Variants in USH2A observed in about 807,000 individuals in gnomAD.
USH2A encodes usherin.
A neutral mutation model predicts 538.9 loss-of-function variants in USH2A; 443 were observed. That is an observed-to-expected ratio of 0.82 (90% confidence interval 0.76 to 0.89). USH2A has a LOEUF of 0.89. Among genes scored for constraint, USH2A ranks in the 40% least tolerant of loss-of-function variants. The probability of loss-of-function intolerance (pLI) is 0.00; values close to 1 mark genes in which losing one functional copy is unlikely to be tolerated. For synonymous variants in USH2A, 2,413 were observed against 2,273.5 expected (o/e 1.06, Z -1.75); for missense variants, 6,633 against 6,324.8 (o/e 1.05, Z -1.65).
chr1:216,346,341 C>T (rs1311205675), intron 4 of USH2A, among the ~76,000 whole-genome samples: 1 of 152,070 alleles, frequency 6.6e-6, no homozygotes, highest in African/African-American at 2.4e-5. Context: ...GAAAAAACAT[C>T]TGTTTTCCTC....
intron 59 of USH2A, among the ~76,000 whole-genome samples, chr1:215,742,196 C>T (rs1660324092): frequency 6.6e-6 from 1 of 152,148 alleles, no homozygotes; most frequent in Non-Finnish European, 1.5e-5. Flanking sequence ...CTGATGAGTT[C>T]AGCAGAGCAA....
chr1:216,150,244 T>C lies in USH2A; in HGVS notation c.4627+25008A>G, dbSNP rs189977074. Among the ~76,000 whole-genome samples the C allele has an allele frequency of 4.6e-5, 7 of 152,298 alleles. No homozygotes were observed. The South Asian group carries it at 1.2e-3, about 27-fold the overall frequency. On this transcript the variant is annotated intron_variant, in intron 21 of 71. Transcript: ENST00000307340. ...TTCAAGCCATCACAGCTGATATCTC[T>C]TGGTGCTATCCCCAAACTGCCACTC...
intron 21 of USH2A, among the ~76,000 whole-genome samples, chr1:216,150,839 C>CT (rs1353631715): frequency 6.6e-6 from 1 of 152,202 alleles, no homozygotes; most frequent in Non-Finnish European, 1.5e-5. Flanking sequence ...AACCTTTCAC[C>CT]TTCTCGATGT....
chr1:215,819,254 T>G (rs1486697723), intron 47 of USH2A, among the ~76,000 whole-genome samples: 1 of 151,790 alleles, frequency 6.6e-6, no homozygotes, highest in East Asian at 1.9e-4. Flanking sequence ...CAACTATCCC[T>G]TTCATTTTAA....
intron 3 of USH2A, among the ~76,000 whole-genome samples, chr1:216,393,165 C>G (rs901552411): frequency 3.3e-5 from 5 of 152,166 alleles, no homozygotes; most frequent in Non-Finnish European, 7.4e-5. Flanking sequence ...TTGACTAAGC[C>G]TGGCTTTTAC....
intron 52 of USH2A, among the ~76,000 whole-genome samples, chr1:215,786,142 G>A (rs1002744244): frequency 6.6e-6 from 1 of 152,134 alleles, no homozygotes; most frequent in Non-Finnish European, 1.5e-5. Flanking sequence ...ATTCAGCAGG[G>A]CCAAGATGGT....
chr1:216,258,236 G>A (rs1453755764), intron 11 of USH2A, among the ~76,000 whole-genome samples: 1 of 151,980 alleles, frequency 6.6e-6, no homozygotes, highest in Non-Finnish European at 1.5e-5. Flanking sequence ...AGATTTATTA[G>A]GTGGTATTGA....
intron 30 of USH2A, among the ~76,000 whole-genome samples, chr1:216,053,692 G>A (rs190954098): frequency 6.6e-6 from 1 of 152,178 alleles, no homozygotes; most frequent in East Asian, 1.9e-4. Flanking sequence ...AGGAGCGTGG[G>A]TATCCGGATT....
At chr1:216,411,616 T>C (rs942307412) in intron 3 of USH2A, among the ~76,000 whole-genome samples, 4 of 152,006 alleles carry the variant, frequency 2.6e-5, no homozygotes, top group Admixed American at 2.0e-4. Flanking sequence ...ATGCAGTGGG[T>C]GGTGGCTACA....
intron 35 of USH2A, among the ~76,000 whole-genome samples, chr1:215,986,059 T>C (rs1018425188): frequency 2.6e-5 from 4 of 152,126 alleles, no homozygotes; most frequent in Non-Finnish European, 4.4e-5. Context: ...TCAGGTCCCC[T>C]TCACTTCTCA....
chr1:215,719,363 A>C (rs931646892), intron 61 of USH2A, among the ~76,000 whole-genome samples: 1 of 38,618 alleles, frequency 2.6e-5, no homozygotes, highest in Non-Finnish European at 5.5e-5. Flanking sequence ...CTCAGGAGAC[A>C]AAAAAAAAAA....
chr1:216,150,401 A>C, intron 21 of USH2A, among the ~76,000 whole-genome samples: 1 of 134,368 alleles, frequency 7.4e-6, no homozygotes, highest in African/African-American at 2.9e-5. Context: ...GTCACCCTCT[A>C]CCTCTCCCCA....
chr1:215,867,193 A>AAAGT, intron 43 of USH2A, 23 bp from the exon 44 acceptor site: 1 of 1,610,602 alleles, frequency 6.2e-7, no homozygotes, highest in Non-Finnish European at 8.5e-7. Flanking sequence ...TTTGTTAAAA[A>AAAGT]AAGTATATGA....
rs542424564 is a variant in USH2A, at chr1:216,345,873, C to T, written c.785-18219G>A. Reference sequence around the variant, plus strand: ...ATTTGGGGGTTCATGTCATAGTTAGCTCTACAAAATTATCTTGAGCATTTA... The same window carrying T: ...ATTTGGGGGTTCATGTCATAGTTAGTTCTACAAAATTATCTTGAGCATTTA... On this transcript the variant is annotated intron_variant, in intron 4 of 71. Transcript: ENST00000307340. Among the ~76,000 whole-genome samples the T allele has an allele frequency of 2.0e-5, 3 of 152,072 alleles. No individual in the cohort carries two copies. The South Asian group carries it at 6.2e-4, about 31-fold the overall frequency.
chr1:216,415,656 G>T (rs2102779640), intron 3 of USH2A, among the ~76,000 whole-genome samples: 1 of 151,660 alleles, frequency 6.6e-6, no homozygotes, highest in Admixed American at 6.6e-5. Flanking sequence ...GAGTAGCTGG[G>T]TCTACAGACA....
chr1:216,104,321 G>A (rs994686670), intron 21 of USH2A, among the ~76,000 whole-genome samples: 1 of 151,770 alleles, frequency 6.6e-6, no homozygotes, highest in Admixed American at 6.6e-5. Context: ...GCGGTGTTTG[G>A]TTTTTTGTCC....
At position 216,227,533 on chromosome 1, in the gene USH2A, T is replaced by C. The variant is rs142630827; in HGVS notation, c.2993+4420A>G. Among the ~76,000 whole-genome samples, 354 of 152,170 alleles carry C rather than the reference T, an allele frequency of 2.3e-3. 7 individuals carry two copies. The highest frequency in any genetic ancestry group is 0.02 in the Admixed American group (308 of 15,284). ...AAGGGAGGATTTGATGGAGCAAAGA[T>C]CATGGAATGGAGGAACAAGAGTAGG... On this transcript the variant is annotated intron_variant, in intron 14 of 71. Coordinates refer to ENST00000307340, the MANE Select transcript of USH2A (RefSeq NM_206933.4).
chr1:216,117,455 A>C (rs1233933481), intron 21 of USH2A, among the ~76,000 whole-genome samples: 1 of 152,176 alleles, frequency 6.6e-6, no homozygotes, highest in East Asian at 1.9e-4. Flanking sequence ...TCCTTAGTTC[A>C]CACTGATGTG....
At chr1:215,965,169 A>G in intron 37 of USH2A, 148 bp downstream of exon 37, 1 of 851,636 alleles carries the variant, frequency 1.2e-6, no homozygotes, top group Non-Finnish European at 1.8e-6. Flanking sequence ...ACCGTCGGGC[A>G]GTAGCTTATC....
Sources: allele counts gnomAD v4.1 joint callset (sites outside exome capture counted in the v4.1 genomes callset), GRCh38; gene constraint gnomAD v4.1.1; transcripts MANE v1.5; gene names NCBI Gene and HGNC (gene_info 2026-07-23, HGNC 2026-07-21).